KIF20B: variants seen among roughly 807,000 people sequenced by gnomAD.
KIF20B encodes the protein kinesin family member 20B.
Under a neutral mutation model 232.5 loss-of-function variants are expected in KIF20B, and 188 were observed. That is an observed-to-expected ratio of 0.81 (90% CI 0.72 to 0.91). KIF20B has a LOEUF of 0.91. Among genes scored for constraint, KIF20B ranks in the 40% least tolerant of loss-of-function variants. The pLI, the probability that KIF20B is intolerant of heterozygous loss-of-function variation, is 0.00. For synonymous variants in KIF20B, 712 were observed against 683.0 expected (o/e 1.04, Z -0.66); for missense variants, 2,154 against 2,055.9 (o/e 1.05, Z -0.92).
In KIF20B at chr10:89,774,028, C is replaced by T. The variant is rs202099671; in HGVS notation, c.5443C>T (p.Arg1815Ter). The change falls in exon 33 of 33, where the codon CGA (arginine) becomes TGA (stop). Residue 1815 changes from arginine (R) to a stop codon, truncating the protein, a stop_gained. Coordinates refer to ENST00000371728, the MANE Select transcript of KIF20B (RefSeq NM_001284259.2). LOFTEE classifies it high-confidence loss of function. The stretch of plus-strand genomic sequence containing the variant: ...TCACCAGATTATCAAACGACGACTT[C>T]GAACAAAAACAGCCAAATAAATCAC... Reference protein sequence around the residue: ...SDHQIIKRRLRTKTAK With the variant: ...SDHQIIKRRL The T allele has an allele frequency of 9.1e-5, 145 of 1,585,232 alleles. No individual in the cohort carries two copies. Among genetic ancestry groups the T allele is most frequent in the Non-Finnish European group, 1.1e-4 (129 of 1,163,752 alleles).
chr10:89,771,676 G>A (rs1434267375), intron 31 of KIF20B, among the ~76,000 whole-genome samples: 2 of 151,946 alleles, frequency 1.3e-5, no homozygotes, highest in African/African-American at 2.4e-5. Flanking sequence ...CCTTGAAGAC[G>A]CTTTTCTCCA....
At chr10:89,771,857 G>A (rs1025913240) in intron 31 of KIF20B, among the ~76,000 whole-genome samples, 1 of 151,902 alleles carries the variant, frequency 6.6e-6, no homozygotes. Context: ...GTAGGAGCTG[G>A]TGCTTTCTCA....
Position 89,719,602 on chromosome 10 carries a change from G to C in KIF20B, c.1618G>C (p.Glu540Gln). 1 of 1,613,394 alleles carries C rather than the reference G, an allele frequency of 6.2e-7. No individual in the cohort carries two copies. Residue 540 changes from glutamate (E) to glutamine (Q), a missense_variant, in exon 13 of 33, where the codon GAA becomes CAA. Glu to Gln is a conservative substitution (Grantham distance 29). Coordinates refer to ENST00000371728, the MANE Select transcript of KIF20B (RefSeq NM_001284259.2). Reference protein sequence around the residue: ...MEDEDLVEELENAEETQNVET... With the variant: ...MEDEDLVEELQNAEETQNVET... ...AGACGAGGATTTGGTTGAGGAGCTA[G>C]AAAACGCTGAAGAAACTCAAAATGT...
chr10:89,724,398 G>A lies in KIF20B; in HGVS notation c.1862+295G>A, dbSNP rs1446762687. Among the ~76,000 whole-genome samples the A allele has an allele frequency of 2.6e-5, 4 of 152,224 alleles. No homozygotes were observed. The East Asian group carries it at 7.7e-4, about 29-fold the overall frequency. ...AAAAATTAGCTGGGCGTACTGGCATGTTCCTGAAGTCCCAGCTGCTTTCAG... is the reference window on the plus strand; with the variant it reads ...AAAAATTAGCTGGGCGTACTGGCATATTCCTGAAGTCCCAGCTGCTTTCAG... On this transcript the variant is annotated intron_variant, in intron 14 of 32. Transcript: ENST00000371728.
At position 89,725,642 on chromosome 10, in the gene KIF20B, G is replaced by A. The variant is rs1025742930; in HGVS notation, c.2001+484G>A. On this transcript the variant is annotated intron_variant, in intron 15 of 32. Coordinates refer to ENST00000371728, the MANE Select transcript of KIF20B (RefSeq NM_001284259.2). ...AGTTTTAGAGTTAGGGTCTTGCCGTGTTACCCAGGCTGATCTTGAATTCCT... is the reference window on the plus strand; with the variant it reads ...AGTTTTAGAGTTAGGGTCTTGCCGTATTACCCAGGCTGATCTTGAATTCCT... Among the ~76,000 whole-genome samples, 3 of 152,200 alleles carry A rather than the reference G, an allele frequency of 2.0e-5. No individual in the cohort carries two copies. In the East Asian group the frequency reaches 5.8e-4, roughly 29 times the overall value.
At chr10:89,755,024 A>C (rs1842093079) in intron 26 of KIF20B, among the ~76,000 whole-genome samples, 1 of 152,250 alleles carries the variant, frequency 6.6e-6, no homozygotes, top group Non-Finnish European at 1.5e-5. Flanking sequence ...ATTTTATCAC[A>C]TAAAGTCACC....
At chr10:89,724,161 T>G (rs1337701147) in intron 14 of KIF20B, 58 bp downstream of exon 14, 2 of 1,386,938 alleles carry the variant, frequency 1.4e-6, no homozygotes, top group South Asian at 3.7e-5. Context: ...GTTTTTTAGT[T>G]TTTTTTTTTA....
At chr10:89,711,246 G>T in intron 6 of KIF20B, 101 bp downstream of exon 6, 1 of 671,554 alleles carries the variant, frequency 1.5e-6, no homozygotes, top group Non-Finnish European at 2.3e-6. Flanking sequence ...TGTGGTGGTA[G>T]TGTTTTTTGT....
At chr10:89,726,057 T>C (rs1843180827) in intron 15 of KIF20B, among the ~76,000 whole-genome samples, 1 of 152,226 alleles carries the variant, frequency 6.6e-6, no homozygotes, top group Non-Finnish European at 1.5e-5. Flanking sequence ...TATAATGACT[T>C]GTCACAGTTT....
At chr10:89,727,600 G>T (rs573788049) in intron 16 of KIF20B, among the ~76,000 whole-genome samples, 1 of 152,230 alleles carries the variant, frequency 6.6e-6, no homozygotes, top group South Asian at 2.1e-4. Flanking sequence ...TGCTATGCCA[G>T]TTCTTTACTA....
At chr10:89,702,538 A>T (rs1209680089) in intron 1 of KIF20B, among the ~76,000 whole-genome samples, 1 of 152,238 alleles carries the variant, frequency 6.6e-6, no homozygotes, top group Admixed American at 6.5e-5. Flanking sequence ...CTCATCGATT[A>T]GTTGTGAAGA....
At position 89,737,782 on chromosome 10, in the gene KIF20B, CAAAT is replaced by C. The variant is rs1841691304; in HGVS notation, c.2945_2948del (p.Ile982AsnfsTer2). Reference sequence around the variant, plus strand: ...AAGAAGCATTACAAATAATGTTTCACAAATAAAATTAATGCACACGAAAATAGAC... The same window carrying C: ...AAGAAGCATTACAAATAATGTTTCACAAAATTAATGCACACGAAAATAGAC... On this transcript the variant is annotated frameshift_variant, in exon 20 of 33. Transcript: ENST00000371728. LOFTEE classifies it high-confidence loss of function. 6.2e-7 allele frequency: 1 copy of C among 1,611,886 alleles called. No individual in the cohort carries two copies.
At chr10:89,757,040 G>GTGTGTGTGTGTGTGTATA (rs1301847520) in intron 26 of KIF20B, among the ~76,000 whole-genome samples, 1 of 110,752 alleles carries the variant, frequency 9.0e-6, no homozygotes, top group African/African-American at 3.3e-5. Flanking sequence ...GTGTGTGTGT[G>GTGTGTGTGTGTGTGTATA]TATATATATA....
chr10:89,751,959 C>T lies in KIF20B; in HGVS notation c.4222+488C>T, dbSNP rs180773859. Among the ~76,000 whole-genome samples, 6 of 151,846 alleles carry T rather than the reference C, an allele frequency of 4.0e-5. 1 individual carries two copies. The highest frequency in any genetic ancestry group is 1.4e-4 in the African/African-American group (6 of 41,498). On this transcript the variant is annotated intron_variant, in intron 24 of 32. Transcript: ENST00000371728. Reference sequence around the variant, plus strand: ...ATTTAGAATTAAGAAATTGTCTAGCCATTTTATATATAACCTTGGCAGGGT... The same window carrying T: ...ATTTAGAATTAAGAAATTGTCTAGCTATTTTATATATAACCTTGGCAGGGT...
At chr10:89,769,272 C>G (rs755599512) in intron 31 of KIF20B, among the ~76,000 whole-genome samples, 1 of 151,858 alleles carries the variant, frequency 6.6e-6, no homozygotes, top group Non-Finnish European at 1.5e-5. Context: ...CTAGGGTGTC[C>G]AAGGGTGAGA....
intron 31 of KIF20B, among the ~76,000 whole-genome samples, chr10:89,769,486 A>G (rs1453345425): frequency 6.6e-6 from 1 of 152,034 alleles, no homozygotes; most frequent in Non-Finnish European, 1.5e-5. Flanking sequence ...CAGTATTAGT[A>G]TTATGGTATA....
chr10:89,705,303 T>C lies in KIF20B; in HGVS notation c.9T>C (p.Ser3=), dbSNP rs1842699914. ME[S]NFNQEGVPRP... ...GCTGTTATTCTTGCAGAATGGAATC[T>C]AATTTTAATCAAGAGGGAGTACCTC... is the stretch of plus-strand genomic sequence containing the variant. Residue 3 remains serine, a synonymous_variant, in exon 2 of 33, where the codon TCT becomes TCC. Coordinates refer to ENST00000371728, the MANE Select transcript of KIF20B (RefSeq NM_001284259.2). The C allele has an allele frequency of 1.2e-6, 2 of 1,613,804 alleles. No individual in the cohort carries two copies. The highest frequency in any genetic ancestry group is 1.7e-6 in the Non-Finnish European group (2 of 1,179,886).
At chr10:89,757,065 T>TATATATATATATACAC (rs1234268831) in intron 26 of KIF20B, among the ~76,000 whole-genome samples, 1 of 135,198 alleles carries the variant, frequency 7.4e-6, no homozygotes, top group African/African-American at 2.7e-5. Context: ...TATATATATA[T>TATATATATATATACAC]ATATACACAC....
At chr10:89,757,512 A>G (rs1842154759) in intron 26 of KIF20B, among the ~76,000 whole-genome samples, 1 of 151,924 alleles carries the variant, frequency 6.6e-6, no homozygotes, top group Non-Finnish European at 1.5e-5. Flanking sequence ...CAATTATTGT[A>G]GATAATTTTA....
Sources: allele counts gnomAD v4.1 joint callset (sites outside exome capture counted in the v4.1 genomes callset), GRCh38; gene constraint gnomAD v4.1.1; transcripts MANE v1.5; gene names NCBI Gene and HGNC (gene_info 2026-07-23, HGNC 2026-07-21).